The following GRID2 variants were observed in gnomAD, a reference collection of about 807,000 sequenced individuals.
GRID2 encodes glutamate ionotropic receptor delta type subunit 2.
In GRID2, 33 loss-of-function variants were observed where a neutral mutation model predicts 114.8. The ratio of observed to expected loss-of-function variants is 0.29; its 90% CI spans 0.22 to 0.38. The LOEUF (loss-of-function observed/expected upper bound fraction) is 0.38, where lower values mean the gene tolerates loss of function less well. Among genes scored for constraint, GRID2 ranks in the 10% least tolerant of loss-of-function variants. The probability of loss-of-function intolerance (pLI) is 1.00; values close to 1 mark genes in which losing one functional copy is unlikely to be tolerated. For missense variants in GRID2, 1,184 were observed against 1,257.7 expected, an observed-to-expected ratio of 0.94 and a Z score of 0.89; for synonymous variants, 505 against 449.9, an observed-to-expected ratio of 1.12 and a Z score of -1.55.
chr4:93,807,532 C>T (rs1735055736), exon 2 of GRID2: 1 of 152,104 alleles, frequency 6.6e-6, no homozygotes, highest in African/African-American at 2.4e-5. Context: ...TGCATGGATT[C>T]CTGGCTAATG....
At chr4:92,983,819 G>A (rs1261345461) in intron 2 of GRID2, among the ~76,000 whole-genome samples, 1 of 152,018 alleles carries the variant, frequency 6.6e-6, no homozygotes, top group African/African-American at 2.4e-5. Flanking sequence ...AATAAAGGTA[G>A]GAAGGCTTTA....
intron 4 of GRID2, among the ~76,000 whole-genome samples, chr4:93,176,653 A>G (rs749939775): frequency 6.6e-6 from 1 of 152,188 alleles, no homozygotes; most frequent in African/African-American, 2.4e-5. Context: ...TCATTTAAAA[A>G]TTATGCTTTT....
chr4:93,051,850 T>G (rs1726749903), intron 2 of GRID2, among the ~76,000 whole-genome samples: 1 of 151,962 alleles, frequency 6.6e-6, no homozygotes, highest in Admixed American at 6.6e-5. Context: ...TGCCTTTTTT[T>G]CCCGAGTTTT....
intron 2 of GRID2, among the ~76,000 whole-genome samples, chr4:92,886,394 C>T (rs932792614): frequency 6.6e-6 from 1 of 151,888 alleles, no homozygotes; most frequent in African/African-American, 2.4e-5. Context: ...GAAAAATGGG[C>T]ACAATAGATT....
At chr4:92,496,255 C>T (rs990675584) in intron 1 of GRID2, among the ~76,000 whole-genome samples, 5 of 151,840 alleles carry the variant, frequency 3.3e-5, no homozygotes, top group South Asian at 2.1e-4. Flanking sequence ...CTCTCCTTTA[C>T]CTTGTATTCC....
intron 1 of GRID2, among the ~76,000 whole-genome samples, chr4:92,559,949 AGAATC>A (rs902776792): frequency 1.3e-5 from 2 of 152,236 alleles, no homozygotes; most frequent in African/African-American, 4.8e-5. Flanking sequence ...AAGTCACAAA[AGAATC>A]AAATCAGTAT....
chr4:93,034,816 T>C (rs1724769089), intron 2 of GRID2, among the ~76,000 whole-genome samples: 1 of 152,154 alleles, frequency 6.6e-6, no homozygotes, highest in Non-Finnish European at 1.5e-5. Context: ...TTTATTCTAG[T>C]CTCAGAGTCT....
chr4:92,756,319 A>G (rs151102698), intron 2 of GRID2, among the ~76,000 whole-genome samples: 1 of 152,230 alleles, frequency 6.6e-6, no homozygotes, highest in African/African-American at 2.4e-5. Flanking sequence ...TATACATACC[A>G]CATTTTCCTT....
chr4:93,741,999 T>C (rs1354340988), intron 14 of GRID2, among the ~76,000 whole-genome samples: 1 of 151,652 alleles, frequency 6.6e-6, no homozygotes, highest in Admixed American at 6.6e-5. Context: ...ATTGAACCAC[T>C]AACTATGGCC....
At chr4:92,964,580 C>T (rs1753017283) in intron 2 of GRID2, among the ~76,000 whole-genome samples, 1 of 151,952 alleles carries the variant, frequency 6.6e-6, no homozygotes, top group South Asian at 2.1e-4. Flanking sequence ...TTAGGGCAGC[C>T]CCCTTTGTCA....
chr4:93,516,053 C>T (rs1185626926), intron 13 of GRID2, among the ~76,000 whole-genome samples: 3 of 152,178 alleles, frequency 2.0e-5, no homozygotes, highest in Non-Finnish European at 2.9e-5. Context: ...CAAACCCTAT[C>T]AACCTCTATG....
At chr4:92,932,411 A>G (rs1440081441) in intron 2 of GRID2, among the ~76,000 whole-genome samples, 1 of 151,218 alleles carries the variant, frequency 6.6e-6, no homozygotes, top group African/African-American at 2.4e-5. Flanking sequence ...ACAATACCAA[A>G]ATTTGGCAAG....
intron 2 of GRID2, among the ~76,000 whole-genome samples, chr4:92,971,013 T>C (rs1452087034): frequency 1.3e-5 from 2 of 151,692 alleles, no homozygotes; most frequent in Non-Finnish European, 2.9e-5. Flanking sequence ...AAAGCTTTTT[T>C]TAAAAAAAAA....
At chr4:92,613,333 T>G (rs565297953) in intron 2 of GRID2, among the ~76,000 whole-genome samples, 1 of 151,552 alleles carries the variant, frequency 6.6e-6, no homozygotes, top group Non-Finnish European at 1.5e-5. Context: ...CAATATTTTG[T>G]TAAGGACTCA....
intron 1 of GRID2, among the ~76,000 whole-genome samples, chr4:92,438,385 T>C (rs576825556): frequency 6.6e-6 from 1 of 151,834 alleles, no homozygotes; most frequent in African/African-American, 2.4e-5. Flanking sequence ...GATTATCATC[T>C]TATCGCATAT....
At chr4:93,282,473 C>T (rs759069380) in intron 8 of GRID2, 5 of 373,106 alleles carry the variant, frequency 1.3e-5, no homozygotes, top group South Asian at 4.1e-5. Context: ...AGCAGAAGAC[C>T]GTACAAAAAG....
chr4:92,491,699 G>GTGTA, intron 1 of GRID2, among the ~76,000 whole-genome samples: 1 of 152,158 alleles, frequency 6.6e-6, no homozygotes, highest in African/African-American at 2.4e-5. Flanking sequence ...GTGTGTGTGT[G>GTGTA]TGTGTACATG....
chr4:92,841,935 T>A (rs185854664), intron 2 of GRID2, among the ~76,000 whole-genome samples: 1 of 152,186 alleles, frequency 6.6e-6, no homozygotes, highest in African/African-American at 2.4e-5. Context: ...GGTGAAAGTG[T>A]AAATAGGCAG....
intron 7 of GRID2, among the ~76,000 whole-genome samples, chr4:93,233,851 G>A (rs1209555793): frequency 6.6e-6 from 1 of 152,082 alleles, no homozygotes; most frequent in Non-Finnish European, 1.5e-5. Context: ...TTACAGGATT[G>A]AAATAAGATT....
Sources: allele counts gnomAD v4.1 joint callset (sites outside exome capture counted in the v4.1 genomes callset), GRCh38; gene constraint gnomAD v4.1.1; transcripts MANE v1.5; gene names NCBI Gene and HGNC (gene_info 2026-07-23, HGNC 2026-07-21).